Variants in SLC8A1 observed in about 807,000 individuals in gnomAD.
SLC8A1 encodes the protein sodium/calcium exchanger 1.
A neutral mutation model predicts 68.3 loss-of-function variants in SLC8A1; 18 were observed. That is an observed-to-expected ratio of 0.26 (90% CI 0.18 to 0.39). SLC8A1 has a LOEUF of 0.39. Ranked by LOEUF, SLC8A1 falls within the 10% of genes least tolerant of loss-of-function variation. SLC8A1 has a pLI of 1.00. For missense variants in SLC8A1, 985 were observed against 1,156.7 expected (o/e 0.85, Z 2.15); for synonymous variants, 475 against 415.5 (o/e 1.14, Z -1.74).
chr2:40,110,278 C>T (rs1256495818), exon 8 of SLC8A1: 2 of 152,116 alleles, frequency 1.3e-5, no homozygotes, highest in African/African-American at 4.8e-5. Flanking sequence ...ATTGTTTACC[C>T]TTCCTATGCT....
intron 2 of SLC8A1, among the ~76,000 whole-genome samples, chr2:40,185,006 C>A (rs1167918557): frequency 6.7e-6 from 1 of 149,948 alleles, no homozygotes; most frequent in Non-Finnish European, 1.5e-5. Flanking sequence ...TACATAAAAA[C>A]ATGGTCCACA....
intron 1 of SLC8A1, among the ~76,000 whole-genome samples, chr2:40,440,630 C>A (rs1576507245): frequency 6.6e-6 from 1 of 152,084 alleles, no homozygotes. Flanking sequence ...AAATTACTAC[C>A]CAAAATCCAT....
intron 4 of SLC8A1, 37 bp from the exon 6 acceptor site, chr2:40,174,757 T>C (rs751432383): frequency 1.3e-6 from 2 of 1,575,232 alleles, no homozygotes; most frequent in African/African-American, 1.4e-5. Context: ...AAATTTTTTT[T>C]AATGTAATAA....
chr2:40,315,574 G>T (rs940803984), intron 2 of SLC8A1, among the ~76,000 whole-genome samples: 14 of 151,426 alleles, frequency 9.2e-5, no homozygotes, highest in African/African-American at 3.4e-4. Context: ...TTTTAAAGTT[G>T]GTATGTAACT....
chr2:40,254,714 TCAGATCCAC>T (rs2063601666), intron 2 of SLC8A1: 1 of 152,244 alleles, frequency 6.6e-6, no homozygotes, highest in Non-Finnish European at 1.5e-5. Context: ...TGGTCAATTA[TCAGATCCAC>T]CAAACTGTCT....
At chr2:40,168,524 A>T (rs1165813883) in intron 4 of SLC8A1, among the ~76,000 whole-genome samples, 1 of 152,192 alleles carries the variant, frequency 6.6e-6, no homozygotes, top group Non-Finnish European at 1.5e-5. Context: ...TATACTGATA[A>T]ATTCACATTT....
chr2:40,316,046 A>G (rs575078333), intron 2 of SLC8A1, among the ~76,000 whole-genome samples: 1 of 152,088 alleles, frequency 6.6e-6, no homozygotes, highest in Non-Finnish European at 1.5e-5. Context: ...ACGTGATATG[A>G]AAGTCTTTTG....
rs114107392 is a variant in SLC8A1, at chr2:40,463,956, G to A, written c.-24-33652C>T. Among the ~76,000 whole-genome samples the A allele has an allele frequency of 7.7e-3, 1,172 of 151,570 alleles. 17 individuals carry two copies. The highest frequency in any genetic ancestry group is 0.027 in the African/African-American group (1,128 of 41,258). On this transcript the variant is annotated intron_variant, in intron 1 of 7. Transcript: ENST00000402441. ...GTTTCCCAGGCTAGAATGAAGTGAC[G>A]TGATATTGGCTCACTGCAACCTCCA... is the stretch of plus-strand genomic sequence containing the variant.
rs374785358 is a variant in SLC8A1 at position 40,485,469 on chromosome 2, C to T, written c.-25+26880G>A. 7.2e-5 allele frequency among the ~76,000 whole-genome samples: 11 copies of T among 152,194 alleles called. No homozygotes were observed. The East Asian group carries it at 1.2e-3, about 16-fold the overall frequency. On this transcript the variant is annotated intron_variant, in intron 1 of 7. Coordinates refer to the SLC8A1 transcript ENST00000402441. ...TTCCGCTATTCTTTTAAGACTATTC[C>T]CTATGTCTCTTGCTTGCTCAACTGC... is the stretch of plus-strand genomic sequence containing the variant.
chr2:40,456,232 C>T (rs577827646), upstream of SLC8A1, among the ~76,000 whole-genome samples: 62 of 145,364 alleles, frequency 4.3e-4, 1 homozygote, highest in East Asian at 8.8e-3. Context: ...AGGAGAATGG[C>T]GTGAACCCAG....
chr2:40,164,915 C>T (rs370151382), exon 5 of SLC8A1: 23 of 1,613,912 alleles, frequency 1.4e-5, no homozygotes, highest in African/African-American at 2.7e-5. Flanking sequence ...CAGGATGGGG[C>T]GCCCCATTTC....
intron 6 of SLC8A1, among the ~76,000 whole-genome samples, chr2:40,142,242 T>C (rs2148306585): frequency 6.6e-6 from 1 of 152,264 alleles, no homozygotes; most frequent in African/African-American, 2.4e-5. Flanking sequence ...CAGGTAGAAC[T>C]CCATGTTAGA....
chr2:40,287,658 C>T (rs567023383), intron 2 of SLC8A1, among the ~76,000 whole-genome samples: 19 of 137,730 alleles, frequency 1.4e-4, no homozygotes, highest in East Asian at 4.8e-4. Flanking sequence ...TCAAGCTTAC[C>T]ATACTGGGAG....
chr2:40,358,017 A>G (rs963971069), intron 2 of SLC8A1, among the ~76,000 whole-genome samples: 2 of 148,182 alleles, frequency 1.3e-5, no homozygotes, highest in Non-Finnish European at 1.5e-5. Flanking sequence ...ATTGTTGCTC[A>G]GTGAATGCCA....
chr2:40,414,719 T>A (rs1693274102), intron 2 of SLC8A1, among the ~76,000 whole-genome samples: 1 of 152,182 alleles, frequency 6.6e-6, no homozygotes, highest in Admixed American at 6.5e-5. Context: ...TCAATAAATA[T>A]GATTAATTTG....
intron 1 of SLC8A1, among the ~76,000 whole-genome samples, chr2:40,476,131 G>A (rs1430315170): frequency 6.6e-6 from 1 of 152,128 alleles, no homozygotes; most frequent in Non-Finnish European, 1.5e-5. Context: ...TTCTATGCAA[G>A]TGTAAAAGTC....
At chr2:40,274,615 G>A (rs139498437) in intron 2 of SLC8A1, among the ~76,000 whole-genome samples, 6 of 152,286 alleles carry the variant, frequency 3.9e-5, no homozygotes, top group East Asian at 1.9e-4. Context: ...ACAGGCTTCC[G>A]TTTTTACTGT....
chr2:40,175,930 C>T, intron 3 of SLC8A1: 1 of 410,180 alleles, frequency 2.4e-6, no homozygotes. Flanking sequence ...CAGGAATTAA[C>T]ACCTACTTGT....
At chr2:40,361,341 G>A (rs1674557276) in intron 2 of SLC8A1, among the ~76,000 whole-genome samples, 1 of 152,192 alleles carries the variant, frequency 6.6e-6, no homozygotes, top group African/African-American at 2.4e-5. Context: ...ATTGTGATAT[G>A]TAAGAGGGCT....
Sources: gnomAD v4.1 joint callset for allele counts (sites outside exome capture counted in the v4.1 genomes callset) on GRCh38, gnomAD v4.1.1 for gene constraint, MANE v1.5 for transcripts, NCBI Gene and HGNC (gene_info 2026-07-23, HGNC 2026-07-21) for gene names.